Variants in PSTPIP2 observed in about 807,000 individuals in gnomAD.
PSTPIP2 encodes the protein proline-serine-threonine phosphatase-interacting protein 2.
PSTPIP2 carries 33 observed loss-of-function variants against 63.3 expected under a neutral mutation model. The observed-to-expected ratio is 0.52, with a 90% CI of 0.40 to 0.70. PSTPIP2 has a LOEUF of 0.70. Among genes scored for constraint, PSTPIP2 ranks in the 30% least tolerant of loss-of-function variants. The probability of loss-of-function intolerance (pLI) is 0.00; values close to 1 mark genes in which losing one functional copy is unlikely to be tolerated. For missense variants in PSTPIP2, 312 were observed against 400.7 expected, an observed-to-expected ratio of 0.78 and a Z score of 1.89; for synonymous variants, 125 against 132.7, an observed-to-expected ratio of 0.94 and a Z score of 0.40.
At chr18:46,044,275 G>C (rs1290328118) in intron 1 of PSTPIP2, among the ~76,000 whole-genome samples, 1 of 152,232 alleles carries the variant, frequency 6.6e-6, no homozygotes, top group Non-Finnish European at 1.5e-5. Flanking sequence ...CAAGGCTACA[G>C]TAACCAAAAC....
At chr18:46,063,224 T>C (rs1909052806) in intron 1 of PSTPIP2, among the ~76,000 whole-genome samples, 1 of 151,974 alleles carries the variant, frequency 6.6e-6, no homozygotes, top group South Asian at 2.1e-4. Context: ...AGGCTGGTCT[T>C]GAACCCCTGG....
At chr18:46,005,593 T>C in intron 5 of PSTPIP2, 62 bp from the exon 6 acceptor site, 1 of 1,199,848 alleles carries the variant, frequency 8.3e-7, no homozygotes, top group Non-Finnish European at 1.2e-6. Flanking sequence ...AAAACAGAAA[T>C]CATTATCAAT....
intron 2 of PSTPIP2, among the ~76,000 whole-genome samples, chr18:46,036,941 T>C (rs1908002414): frequency 6.6e-6 from 1 of 152,226 alleles, no homozygotes; most frequent in Admixed American, 6.5e-5. Context: ...GTTTAGCATG[T>C]ACCATGTAAA....
intron 13 of PSTPIP2, among the ~76,000 whole-genome samples, chr18:45,989,309 C>A (rs2051499025): frequency 6.6e-6 from 1 of 152,114 alleles, no homozygotes; most frequent in Non-Finnish European, 1.5e-5. Flanking sequence ...GGGCAGTTTC[C>A]CCCACAATGT....
chr18:46,066,404 A>C (rs1909191038), intron 1 of PSTPIP2, among the ~76,000 whole-genome samples: 1 of 152,188 alleles, frequency 6.6e-6, no homozygotes, highest in South Asian at 2.1e-4. Flanking sequence ...AGTAGCTAAT[A>C]ATCTCTTAGA....
rs1398493518 is a variant in PSTPIP2, at chr18:46,049,896, A to G, written c.34-9849T>C. Among the ~76,000 whole-genome samples the G allele has an allele frequency of 2.0e-5, 3 of 152,182 alleles. No homozygotes were observed. In the East Asian group the frequency reaches 5.8e-4, roughly 29 times the overall value. ...TCCGTTTCAAAAAACAAAACAAAAAAAAAGAACAACCAATTTTCTCAAGTG... is the reference window on the plus strand; with the variant it reads ...TCCGTTTCAAAAAACAAAACAAAAAGAAAGAACAACCAATTTTCTCAAGTG... On this transcript the variant is annotated intron_variant, in intron 1 of 14. Coordinates refer to ENST00000409746, the MANE Select transcript of PSTPIP2 (RefSeq NM_024430.4).
chr18:46,029,324 A>G, intron 2 of PSTPIP2: 3 of 1,556,046 alleles, frequency 1.9e-6, no homozygotes, highest in Non-Finnish European at 2.7e-6. Context: ...TGAAGACCAA[A>G]GAACTGATTG....
chr18:45,988,606 A>G (rs2051491521), intron 14 of PSTPIP2, 96 bp downstream of exon 14: 1 of 1,061,174 alleles, frequency 9.4e-7, no homozygotes, highest in Non-Finnish European at 1.4e-6. Flanking sequence ...AGGCCTTGCT[A>G]GTTTGTGGTA....
At chr18:45,993,729 T>C (rs1258501932) in intron 9 of PSTPIP2, 26 bp from the exon 10 acceptor site, 2 of 1,587,244 alleles carry the variant, frequency 1.3e-6, no homozygotes, top group Non-Finnish European at 1.7e-6. Flanking sequence ...TACGTGTACA[T>C]AGATATGCAA....
Position 46,040,227 on chromosome 18 carries a change from G to A in PSTPIP2, c.34-180C>T, listed in dbSNP as rs143842635. ...CTCCACCCCCACCCTGGAGATGAAA[G>A]AACATGTTTCAGTTCCTTCAAGGAA... On this transcript the variant is annotated intron_variant, in intron 1 of 14. Coordinates refer to ENST00000409746, the MANE Select transcript of PSTPIP2 (RefSeq NM_024430.4). The A allele has an allele frequency of 2.2e-4, 104 of 478,128 alleles. No individual in the cohort carries two copies. The East Asian group carries it at 3.2e-3, about 15-fold the overall frequency. 29.6% of individuals were successfully genotyped at this position (478,128 alleles called of 1,614,324 possible).
intron 1 of PSTPIP2, among the ~76,000 whole-genome samples, chr18:46,067,968 CTG>C (rs1438429830): frequency 6.6e-6 from 1 of 152,100 alleles, no homozygotes; most frequent in Admixed American, 6.6e-5. Flanking sequence ...CAGGGAGACT[CTG>C]TGGTGTTAAC....
At chr18:46,071,430 G>A (rs552745674) in intron 1 of PSTPIP2, among the ~76,000 whole-genome samples, 20 of 152,292 alleles carry the variant, frequency 1.3e-4, no homozygotes, top group African/African-American at 4.6e-4. Flanking sequence ...GGGACAGGCA[G>A]ACCTGCTCCC....
intron 1 of PSTPIP2, among the ~76,000 whole-genome samples, chr18:46,056,978 C>T (rs141696959): frequency 1.3e-5 from 2 of 152,104 alleles, no homozygotes; most frequent in East Asian, 3.9e-4. Flanking sequence ...GTGGTGGGTA[C>T]CTGTAATCCC....
At chr18:46,058,041 G>C (rs760442404) in intron 1 of PSTPIP2, among the ~76,000 whole-genome samples, 89 of 149,998 alleles carry the variant, frequency 5.9e-4, no homozygotes, top group Admixed American at 1.7e-3. Flanking sequence ...TTAAAAACCA[G>C]GTAAAATTTC....
chr18:46,068,503 T>C (rs1909272634), intron 1 of PSTPIP2, among the ~76,000 whole-genome samples: 1 of 151,914 alleles, frequency 6.6e-6, no homozygotes. Flanking sequence ...TTTCACTGTG[T>C]TAGCCGAGAT....
At chr18:46,068,743 A>G (rs1909283353) in intron 1 of PSTPIP2, among the ~76,000 whole-genome samples, 1 of 152,170 alleles carries the variant, frequency 6.6e-6, no homozygotes, top group Non-Finnish European at 1.5e-5. Flanking sequence ...TTGAATGTCC[A>G]TGAATTTTGG....
chr18:46,016,339 G>A, intron 3 of PSTPIP2: 1 of 173,080 alleles, frequency 5.8e-6, no homozygotes, highest in Middle Eastern at 2.8e-3. Context: ...ACTCCAGCCT[G>A]CGCAACAGAG....
At chr18:46,067,830 G>C (rs1015789614) in intron 1 of PSTPIP2, among the ~76,000 whole-genome samples, 5 of 152,196 alleles carry the variant, frequency 3.3e-5, no homozygotes, top group Non-Finnish European at 5.9e-5. Flanking sequence ...TTCATGAATA[G>C]TTTCTTTGCT....
At chr18:46,033,723 G>A (rs1401971383) in intron 2 of PSTPIP2, among the ~76,000 whole-genome samples, 3 of 148,182 alleles carry the variant, frequency 2.0e-5, no homozygotes, top group East Asian at 2.0e-4. Flanking sequence ...AAAAGACAAT[G>A]TGAAGACACA....
Sources: allele counts gnomAD v4.1 joint callset (sites outside exome capture counted in the v4.1 genomes callset), GRCh38; gene constraint gnomAD v4.1.1; transcripts MANE v1.5; gene names NCBI Gene and HGNC (gene_info 2026-07-23, HGNC 2026-07-21).